JMY: variants seen among roughly 807,000 people sequenced by gnomAD.
The protein encoded by JMY is junction-mediating and -regulatory protein.
A neutral mutation model predicts 103.3 loss-of-function variants in JMY; 46 were observed. The observed-to-expected ratio is 0.45, with a 90% CI of 0.35 to 0.57. JMY has a LOEUF of 0.57. JMY is among the 20% of genes least tolerant of loss of function. The pLI, the probability that JMY is intolerant of heterozygous loss-of-function variation, is 0.00. For synonymous variants in JMY, 526 were observed against 489.3 expected (o/e 1.07, Z -0.99); for missense variants, 1,238 against 1,255.2 (o/e 0.99, Z 0.21).
intron 2 of JMY, among the ~76,000 whole-genome samples, chr5:79,279,326 T>C (rs887193405): frequency 1.3e-5 from 2 of 152,168 alleles, no homozygotes; most frequent in Non-Finnish European, 2.9e-5. Flanking sequence ...ACAGCAAGAC[T>C]CTGTCTCAAA....
At position 79,300,695 on chromosome 5, in the gene JMY, A is replaced by G. The variant is rs1455947309; in HGVS notation, c.1713A>G (p.Val571=). The G allele has an allele frequency of 1.2e-6, 2 of 1,602,398 alleles. No individual in the cohort carries two copies. Among genetic ancestry groups the G allele is most frequent in the East Asian group, 4.5e-5 (2 of 44,584 alleles). ...TAACAGAAAAAAGAGATGAAGTGGTATACTATGACACTTACGAAAGCATGG... is the reference window on the plus strand; with the variant it reads ...TAACAGAAAAAAGAGATGAAGTGGTGTACTATGACACTTACGAAAGCATGG... The part of the protein sequence containing the change: ...RLISEKRDEV[V]YYDTYESMEA... Residue 571 remains valine, a synonymous_variant, in exon 6 of 11, where the codon GTA becomes GTG. Coordinates refer to ENST00000396137, the MANE Select transcript of JMY (RefSeq NM_152405.5).
intron 1 of JMY, among the ~76,000 whole-genome samples, chr5:79,265,533 C>T (rs1386730737): frequency 1.3e-5 from 2 of 151,720 alleles, no homozygotes; most frequent in African/African-American, 4.9e-5. Context: ...TAGCAAGGTA[C>T]CGTCACTTTG....
intron 4 of JMY, among the ~76,000 whole-genome samples, chr5:79,297,144 T>C (rs1295251340): frequency 2.6e-5 from 4 of 152,216 alleles, no homozygotes; most frequent in Admixed American, 1.3e-4. Context: ...GCTCAAACTT[T>C]GCTAGTCATT....
intron 4 of JMY, among the ~76,000 whole-genome samples, chr5:79,297,448 TGAG>T (rs1746595395): frequency 6.6e-6 from 1 of 152,160 alleles, no homozygotes; most frequent in Non-Finnish European, 1.5e-5. Context: ...GGCTGTCAGC[TGAG>T]GACAGGAAAA....
chr5:79,295,674 G>A (rs890388958), intron 4 of JMY, among the ~76,000 whole-genome samples: 1 of 152,342 alleles, frequency 6.6e-6, no homozygotes, highest in East Asian at 1.9e-4. Context: ...GTGACATTTT[G>A]TATGGGCCTT....
intron 9 of JMY, 88 bp downstream of exon 9, chr5:79,314,939 C>A: frequency 3.3e-6 from 4 of 1,226,628 alleles, no homozygotes; most frequent in Non-Finnish European, 3.4e-6. Context: ...AAGCTTAAAA[C>A]ACTTTATTTT....
rs141826861 is a variant in JMY at position 79,284,371 on chromosome 5, C to T, written c.1207-5750C>T. 1.0e-4 allele frequency: 135 copies of T among 1,289,130 alleles called. No individual in the cohort carries two copies. The African/African-American group carries it at 1.6e-3, about 16-fold the overall frequency. The allele number at this position is 1,289,130 out of a possible 1,614,324, so 79.9% of individuals were successfully genotyped here. On this transcript the variant is annotated intron_variant, in intron 2 of 10. Transcript: ENST00000396137. ...TGCTGTCTGGAATCAATTTATTGAC[C>T]ACTTCTTTCAAGGCATTTGTCTGCA...
rs575834395 is a variant in JMY at position 79,270,029 on chromosome 5, G to C, written c.1033-7881G>C. 1.4e-4 allele frequency among the ~76,000 whole-genome samples: 21 copies of C among 152,170 alleles called. No homozygotes were observed. In the South Asian group the frequency reaches 4.1e-3, roughly 30 times the overall value. On this transcript the variant is annotated intron_variant, in intron 1 of 10. Coordinates refer to ENST00000396137, the MANE Select transcript of JMY (RefSeq NM_152405.5). ...TGCCAGACATGAACCACTGCACCTG[G>C]CCTGGAGGAGTGTGTGGGTGTGTGT...
At chr5:79,284,626 G>A in intron 2 of JMY, 1 of 1,551,714 alleles carries the variant, frequency 6.4e-7, no homozygotes, top group South Asian at 1.1e-5. Flanking sequence ...TGCCATGGAA[G>A]TTAGGCAGTT....
chr5:79,236,840 G>T lies in JMY; in HGVS notation c.190G>T (p.Ala64Ser). Residue 64 changes from alanine to serine, a missense_variant, in exon 1 of 11, where the codon GCG becomes TCG. Ala to Ser is a moderately conservative substitution (Grantham distance 99, BLOSUM62 1). Coordinates refer to ENST00000396137, the MANE Select transcript of JMY (RefSeq NM_152405.5). Reference protein sequence around the residue: ...QRSGSREQAGARGGAEAGGAA... With the variant: ...QRSGSREQAGSRGGAEAGGAA... Reference sequence around the variant, plus strand: ...GAGCGGCTCCCGGGAGCAAGCGGGGGCGCGAGGGGGCGCCGAGGCCGGCGG... The same window carrying T: ...GAGCGGCTCCCGGGAGCAAGCGGGGTCGCGAGGGGGCGCCGAGGCCGGCGG... The T allele has an allele frequency of 6.9e-7, 1 of 1,451,844 alleles. No individual in the cohort carries two copies. Among genetic ancestry groups the T allele is most frequent in the Non-Finnish European group, 9.1e-7 (1 of 1,096,400 alleles). The allele number at this position is 1,451,844 out of a possible 1,614,324, so 89.9% of individuals were successfully genotyped here.
At chr5:79,251,609 G>A (rs1054129283) in intron 1 of JMY, among the ~76,000 whole-genome samples, 4 of 151,298 alleles carry the variant, frequency 2.6e-5, no homozygotes, top group African/African-American at 9.7e-5. Flanking sequence ...ATCAAATACC[G>A]GGTCTCATTC....
intron 1 of JMY, among the ~76,000 whole-genome samples, chr5:79,249,657 A>G (rs1249447322): frequency 6.6e-6 from 1 of 152,192 alleles, no homozygotes; most frequent in Non-Finnish European, 1.5e-5. Context: ...TGAAAACTGG[A>G]AGGAATTTCA....
chr5:79,276,690 T>TCTGCCTCCC, intron 1 of JMY, among the ~76,000 whole-genome samples: 1 of 152,214 alleles, frequency 6.6e-6, no homozygotes, highest in South Asian at 2.1e-4. Flanking sequence ...CACTGCAACC[T>TCTGCCTCCC]CTGCCTCCCG....
At chr5:79,271,574 A>G (rs879767637) in intron 1 of JMY, among the ~76,000 whole-genome samples, 21 of 152,176 alleles carry the variant, frequency 1.4e-4, no homozygotes, top group Non-Finnish European at 2.8e-4. Flanking sequence ...AGGTCTGTTC[A>G]GATTACCTGT....
Position 79,237,413 on chromosome 5 carries a change from T to C in JMY, c.763T>C (p.Cys255Arg), listed in dbSNP as rs1321075811. 1 of 1,613,464 alleles carries C rather than the reference T, an allele frequency of 6.2e-7. No homozygotes were observed. The highest frequency in any genetic ancestry group is 8.5e-7 in the Non-Finnish European group (1 of 1,179,998). ...CTCGGTGAACTCGCAGTTGGAGCCG[T>C]GCCTGCCGGTGTTCCCCGAGGAACC... ...LCSVNSQLEPCLPVFPEEPSG... is the reference protein window; with the variant it reads ...LCSVNSQLEPRLPVFPEEPSG... The change falls in exon 1 of 11, where the codon TGC (cysteine) becomes CGC (arginine). Residue 255 changes from cysteine to arginine, a missense_variant. Coordinates refer to ENST00000396137, the MANE Select transcript of JMY (RefSeq NM_152405.5).
chr5:79,266,257 G>A (rs1006770886), intron 1 of JMY, among the ~76,000 whole-genome samples: 2 of 152,226 alleles, frequency 1.3e-5, no homozygotes, highest in African/African-American at 4.8e-5. Context: ...AAGCAGAGAC[G>A]ATGTCTGTTT....
intron 1 of JMY, among the ~76,000 whole-genome samples, chr5:79,270,770 A>G (rs1458205499): frequency 6.7e-6 from 1 of 149,388 alleles, no homozygotes; most frequent in Non-Finnish European, 1.5e-5. Context: ...TGTTAGCTCA[A>G]GGTTTTTTTT....
chr5:79,296,919 C>T (rs187869075), intron 4 of JMY, among the ~76,000 whole-genome samples: 1 of 152,316 alleles, frequency 6.6e-6, no homozygotes, highest in East Asian at 1.9e-4. Flanking sequence ...ACTACTTTAT[C>T]ATTATTACAC....
chr5:79,264,967 C>T (rs914331366), intron 1 of JMY, among the ~76,000 whole-genome samples: 9 of 152,090 alleles, frequency 5.9e-5, no homozygotes, highest in East Asian at 3.9e-4. Flanking sequence ...CTGTCACCCA[C>T]GCTGGAGTGA....
Sources: allele counts gnomAD v4.1 joint callset (sites outside exome capture counted in the v4.1 genomes callset), GRCh38; gene constraint gnomAD v4.1.1; transcripts MANE v1.5; gene names NCBI Gene and HGNC (gene_info 2026-07-23, HGNC 2026-07-21).